TMEM132E: variants seen among roughly 807,000 people sequenced by gnomAD.
The protein encoded by TMEM132E is transmembrane protein 132E.
A neutral mutation model predicts 78.5 loss-of-function variants in TMEM132E; 49 were observed. The ratio of observed to expected loss-of-function variants is 0.62; its 90% CI spans 0.50 to 0.79. TMEM132E has a LOEUF of 0.79. TMEM132E is among the 30% of genes least tolerant of loss of function. The pLI is 0.00. For missense variants in TMEM132E, 1,403 were observed against 1,470.9 expected (o/e 0.95, Z 0.75); for synonymous variants, 715 against 670.6 (o/e 1.07, Z -1.02).
intron 1 of TMEM132E, among the ~76,000 whole-genome samples, chr17:34,605,750 G>A (rs1906390878): frequency 6.6e-6 from 1 of 152,170 alleles, no homozygotes; most frequent in Non-Finnish European, 1.5e-5. Context: ...CTGGGGTTTG[G>A]TTGCTTTAGG....
intron 1 of TMEM132E, among the ~76,000 whole-genome samples, 192 bp from the exon 2 acceptor site, chr17:34,625,935 G>C (rs1335710679): frequency 6.6e-6 from 1 of 152,218 alleles, no homozygotes; most frequent in African/African-American, 2.4e-5. Context: ...GGGGTGCCAG[G>C]CTTGGAGCTC....
At chr17:34,619,051 AC>A (rs1320403491) in intron 1 of TMEM132E, among the ~76,000 whole-genome samples, 1 of 152,058 alleles carries the variant, frequency 6.6e-6, no homozygotes, top group Non-Finnish European at 1.5e-5. Context: ...CTTAGGTTAT[AC>A]CACTCCTGTG....
At chr17:34,612,875 G>T (rs1420467588) in intron 1 of TMEM132E, among the ~76,000 whole-genome samples, 1 of 152,038 alleles carries the variant, frequency 6.6e-6, no homozygotes, top group African/African-American at 2.4e-5. Flanking sequence ...GGGGGGGGCA[G>T]TGGGGTGGGA....
In TMEM132E at chr17:34,638,101, C is replaced by T. The variant is rs1332821949; in HGVS notation, c.3094C>T (p.Pro1032Ser). The T allele has an allele frequency of 4.4e-6, 7 of 1,597,564 alleles. No homozygotes were observed. Among genetic ancestry groups the T allele is most frequent in the Non-Finnish European group, 5.1e-6 (6 of 1,172,582 alleles). ...PSEELAYDSV[P>S]AGEEDEEEEE... ...AGAGGAGCTGGCCTATGACTCGGTG[C>T]CCGCGGGCGAAGAGGACGAGGAGGA... Residue 1032 changes from proline to serine, a missense_variant, in exon 9 of 9, where the codon CCC becomes TCC. Coordinates refer to ENST00000631683, the MANE Select transcript of TMEM132E (RefSeq NM_001304438.2).
rs535199177 is a variant in TMEM132E at position 34,585,229 on chromosome 17, C to T, written c.67+4086C>T. On this transcript the variant is annotated intron_variant, in intron 1 of 8. Transcript: ENST00000631683. Reference sequence around the variant, plus strand: ...GCTTTATTGGAATCCATTCTGAGGACGGCTGGTGCTTCGCTGTGGGAGATA... The same window carrying T: ...GCTTTATTGGAATCCATTCTGAGGATGGCTGGTGCTTCGCTGTGGGAGATA... Among the ~76,000 whole-genome samples the T allele has an allele frequency of 2.6e-4, 39 of 152,316 alleles. No homozygotes were observed. The South Asian group carries it at 7.5e-3, about 29-fold the overall frequency.
chr17:34,610,186 GTTAT>G (rs1906540906), intron 1 of TMEM132E, among the ~76,000 whole-genome samples: 1 of 152,204 alleles, frequency 6.6e-6, no homozygotes. Context: ...TTTTAGCATG[GTTAT>G]TTATGTACTT....
At chr17:34,623,413 C>T (rs1011572813) in intron 1 of TMEM132E, among the ~76,000 whole-genome samples, 10 of 151,388 alleles carry the variant, frequency 6.6e-5, no homozygotes, top group African/African-American at 2.2e-4. Flanking sequence ...CCCCCCCCCC[C>T]CCCGTCCCTC....
intron 1 of TMEM132E, among the ~76,000 whole-genome samples, chr17:34,587,871 G>A (rs1213316920): frequency 6.6e-6 from 1 of 152,222 alleles, no homozygotes; most frequent in Non-Finnish European, 1.5e-5. Context: ...TTTTATGCAA[G>A]GCAAAGCTGA....
chr17:34,581,553 C>G (rs1021041582), intron 1 of TMEM132E, among the ~76,000 whole-genome samples: 2 of 152,100 alleles, frequency 1.3e-5, no homozygotes, highest in Non-Finnish European at 2.9e-5. Flanking sequence ...TCGCGTCTTT[C>G]CTCGCCCCGG....
At position 34,626,681 on chromosome 17, in the gene TMEM132E, C is replaced by G; in HGVS notation, c.622C>G (p.Pro208Ala). The change falls in exon 2 of 9, where the codon CCA becomes GCA. Residue 208 changes from proline to alanine, a missense_variant. Transcript: ENST00000631683. The stretch of plus-strand genomic sequence containing the variant: ...GTTCGGGCCCCCAGCCCCCGCTGCG[C>G]CACCCACGGCCCGCCGCAAGTCCCC... ...AWFGPPAPAA[P>A]PTARRKSPDG... 1 of 1,397,030 alleles carries G rather than the reference C, an allele frequency of 7.2e-7. No homozygotes were observed. The highest frequency in any genetic ancestry group is 3.0e-5 in the Admixed American group (1 of 33,738). The allele number at this position is 1,397,030 out of a possible 1,614,324, so 86.5% of individuals were successfully genotyped here.
chr17:34,601,158 C>T (rs1906225781), intron 1 of TMEM132E, among the ~76,000 whole-genome samples: 1 of 152,202 alleles, frequency 6.6e-6, no homozygotes, highest in African/African-American at 2.4e-5. Flanking sequence ...CCCCAACACC[C>T]TCCATGCCAG....
Position 34,626,449 on chromosome 17 carries a change from C to T in TMEM132E, c.390C>T (p.Ile130=), listed in dbSNP as rs998795450. 3 of 1,613,178 alleles carry T rather than the reference C, an allele frequency of 1.9e-6. No homozygotes were observed. The highest frequency in any genetic ancestry group is 1.1e-5 in the South Asian group (1 of 91,028). The change falls in exon 2 of 9, where the codon ATC becomes ATT. Residue 130 remains isoleucine (I), a synonymous_variant. Coordinates refer to ENST00000631683, the MANE Select transcript of TMEM132E (RefSeq NM_001304438.2). Reference sequence around the variant, plus strand: ...TGAACTGGAAGGTGCGGGCCTTCATCGTCCGCTCGCACGTGCCCGCCTCGC... The same window carrying T: ...TGAACTGGAAGGTGCGGGCCTTCATTGTCCGCTCGCACGTGCCCGCCTCGC... The part of the protein sequence containing the change: ...LTVNWKVRAF[I]VRSHVPASQP...
intron 6 of TMEM132E, among the ~76,000 whole-genome samples, chr17:34,633,205 A>T (rs1452064740): frequency 6.6e-6 from 1 of 152,216 alleles, no homozygotes; most frequent in East Asian, 1.9e-4. Context: ...TGTGCAGGGA[A>T]TCAAGTGGCA....
At chr17:34,585,533 G>C (rs1905640933) in intron 1 of TMEM132E, among the ~76,000 whole-genome samples, 1 of 152,196 alleles carries the variant, frequency 6.6e-6, no homozygotes, top group African/African-American at 2.4e-5. Context: ...ACCTCATGTG[G>C]ATGAGGAAAT....
chr17:34,637,677 C>T lies in TMEM132E; in HGVS notation c.2670C>T (p.Gly890=). 1.9e-6 allele frequency: 3 copies of T among 1,610,574 alleles called. No individual in the cohort carries two copies. Among genetic ancestry groups the T allele is most frequent in the Non-Finnish European group, 2.5e-6 (3 of 1,179,920 alleles). ...VPRGLTDLEI[G]MYALLGVFCL... ...GGGGTCTGACAGACCTGGAGATCGG[C>T]ATGTACGCGCTGCTGGGCGTCTTCT... Residue 890 remains glycine (G), a synonymous_variant, in exon 9 of 9, where the codon GGC becomes GGT. Transcript: ENST00000631683.
intron 1 of TMEM132E, among the ~76,000 whole-genome samples, chr17:34,616,291 G>A (rs1442561257): frequency 6.6e-6 from 1 of 152,144 alleles, no homozygotes; most frequent in East Asian, 1.9e-4. Flanking sequence ...TCCAACATTG[G>A]GTTCCAGCCA....
At chr17:34,633,419 G>T (rs996857694) in intron 6 of TMEM132E, among the ~76,000 whole-genome samples, 4 of 152,272 alleles carry the variant, frequency 2.6e-5, no homozygotes, top group African/African-American at 7.2e-5. Context: ...GGGCACACTA[G>T]TGAGTGCATG....
At chr17:34,629,982 G>T in intron 4 of TMEM132E, 26 bp from the exon 5 acceptor site, 1 of 1,583,302 alleles carries the variant, frequency 6.3e-7, no homozygotes. Flanking sequence ...ACCACAAGTA[G>T]AGCCCCCCCC....
At chr17:34,619,648 C>G (rs1424230214) in intron 1 of TMEM132E, among the ~76,000 whole-genome samples, 1 of 152,090 alleles carries the variant, frequency 6.6e-6, no homozygotes, top group Non-Finnish European at 1.5e-5. Context: ...ACCAACCCTT[C>G]CTACTTAGTG....
Sources: allele counts gnomAD v4.1 joint callset (sites outside exome capture counted in the v4.1 genomes callset), GRCh38; gene constraint gnomAD v4.1.1; transcripts MANE v1.5; gene names NCBI Gene and HGNC (gene_info 2026-07-23, HGNC 2026-07-21).